Variants in MDFIC observed in about 807,000 individuals in gnomAD.
The protein encoded by MDFIC is myoD family inhibitor domain-containing protein.
A neutral mutation model predicts 23.2 loss-of-function variants in MDFIC; 17 were observed. That is an observed-to-expected ratio of 0.73 (90% CI 0.50 to 1.10). The LOEUF is 1.10. Ranked by LOEUF, MDFIC falls within the 50% of genes least tolerant of loss-of-function variation. MDFIC has a pLI of 0.00. For missense variants in MDFIC, 356 were observed against 316.6 expected (o/e 1.12, Z -0.95); for synonymous variants, 120 against 115.2 (o/e 1.04, Z -0.27).
chr7:114,970,503 T>G (rs1793184946), intron 3 of MDFIC, among the ~76,000 whole-genome samples: 1 of 152,176 alleles, frequency 6.6e-6, no homozygotes, highest in African/African-American at 2.4e-5. Flanking sequence ...ACTTTCGTTT[T>G]TGGGCTCTGG....
rs61549771 is a variant in MDFIC, at chr7:114,973,101, G to GTATATATATA, written c.218-6393_218-6384dup. 1.5e-3 allele frequency among the ~76,000 whole-genome samples: 216 copies of GTATATATATA among 147,748 alleles called. 1 individual carries two copies. Among genetic ancestry groups the GTATATATATA allele is most frequent in the African/African-American group, 5.0e-3 (203 of 40,250 alleles). ...GGCAGTTTATGTATCGTGTGTGTGT[G>GTATATATATA]TATATATATATATATATATATGAAT... On this transcript the variant is annotated intron_variant, in intron 3 of 4. Transcript: ENST00000393486.
At position 114,999,335 on chromosome 7, in the gene MDFIC, A is replaced by AT. The variant is rs1006059928; in HGVS notation, c.494-16351dup. Among the ~76,000 whole-genome samples, 739 of 150,738 alleles carry AT rather than the reference A, an allele frequency of 4.9e-3. 4 individuals carry two copies. Among genetic ancestry groups the AT allele is most frequent in the African/African-American group, 0.015 (636 of 41,122 alleles). On this transcript the variant is annotated intron_variant, in intron 4 of 4. Transcript: ENST00000393486. Reference sequence around the variant, plus strand: ...AAACACCCGGAACTTTTCAACAATGATTCTTTTTTTCTAGATTGAATTAGA... The same window carrying AT: ...AAACACCCGGAACTTTTCAACAATGATTTCTTTTTTTCTAGATTGAATTAGA...
At chr7:114,941,925 T>C (rs1792548565) in intron 2 of MDFIC, among the ~76,000 whole-genome samples, 1 of 152,238 alleles carries the variant, frequency 6.6e-6, no homozygotes, top group African/African-American at 2.4e-5. Flanking sequence ...CTTTCCCTGC[T>C]GCTCAACCCC....
In MDFIC at chr7:114,979,603, T is replaced by C; in HGVS notation, c.315T>C (p.Asn105=). 1 of 1,614,048 alleles carries C rather than the reference T, an allele frequency of 6.2e-7. No individual in the cohort carries two copies. The highest frequency in any genetic ancestry group is 8.5e-7 in the Non-Finnish European group (1 of 1,179,994). ...AGAACGGCCACACAGGTCTGAGCAA[T>C]GGAAATGGAATTCACCACGGGGCCA... ...KIKNGHTGLS[N]GNGIHHGAKH... is the part of the protein sequence containing the mutation. Residue 105 remains asparagine, a synonymous_variant, in exon 4 of 5, where the codon AAT becomes AAC. Coordinates refer to ENST00000393486, the MANE Select transcript of MDFIC (RefSeq NM_001166345.3).
At chr7:114,937,916 T>C (rs536570807) in intron 2 of MDFIC, among the ~76,000 whole-genome samples, 1 of 152,176 alleles carries the variant, frequency 6.6e-6, no homozygotes, top group Admixed American at 6.5e-5. Context: ...TTTTATCCCA[T>C]TATTAGTAGA....
intron 3 of MDFIC, among the ~76,000 whole-genome samples, chr7:114,976,858 T>C (rs2115945265): frequency 6.9e-6 from 1 of 144,102 alleles, no homozygotes; most frequent in East Asian, 2.2e-4. Flanking sequence ...CAAACTGTCT[T>C]TTTTTTTTCT....
chr7:115,014,190 G>T (rs1434240999), intron 4 of MDFIC: 1 of 985,182 alleles, frequency 1.0e-6, no homozygotes, highest in African/African-American at 1.7e-5. Flanking sequence ...GTTAGAGACT[G>T]CAGAGAAACA....
chr7:114,964,487 TC>T (rs1324209470), intron 3 of MDFIC, among the ~76,000 whole-genome samples: 2 of 106,770 alleles, frequency 1.9e-5, no homozygotes, highest in South Asian at 4.1e-4. Flanking sequence ...TGCCCTCCCC[TC>T]CCCTCCCCTT....
intron 2 of MDFIC, among the ~76,000 whole-genome samples, chr7:114,924,418 A>G (rs1481166156): frequency 6.6e-6 from 1 of 152,226 alleles, no homozygotes; most frequent in Non-Finnish European, 1.5e-5. Flanking sequence ...CAAGGAAAAT[A>G]ATTTGACCTG....
intron 3 of MDFIC, among the ~76,000 whole-genome samples, chr7:114,952,077 G>A (rs1159771675): frequency 6.6e-6 from 1 of 152,124 alleles, no homozygotes; most frequent in African/African-American, 2.4e-5. Flanking sequence ...CTCCATTTCT[G>A]GTAAACATAA....
chr7:114,998,923 T>C (rs6957727), intron 4 of MDFIC, among the ~76,000 whole-genome samples: 27,786 of 152,150 alleles, frequency 0.18, 3,136 homozygotes, highest in Non-Finnish European at 0.25. Context: ...TATGCTCTAG[T>C]AGGAGGAGCA....
At chr7:114,967,897 C>T (rs959895654) in intron 3 of MDFIC, among the ~76,000 whole-genome samples, 24 of 145,410 alleles carry the variant, frequency 1.7e-4, no homozygotes, top group African/African-American at 5.9e-4. Flanking sequence ...GGTATAATCT[C>T]AGCTTACTGT....
intron 2 of MDFIC, among the ~76,000 whole-genome samples, chr7:114,937,486 C>A (rs1363122800): frequency 6.6e-6 from 1 of 152,192 alleles, no homozygotes; most frequent in Non-Finnish European, 1.5e-5. Context: ...TTGTTTAGCT[C>A]TTGTGAAGAA....
chr7:114,931,896 G>A (rs140692309), intron 2 of MDFIC, among the ~76,000 whole-genome samples: 1 of 152,232 alleles, frequency 6.6e-6, no homozygotes, highest in Non-Finnish European at 1.5e-5. Flanking sequence ...AGGTGGCAGA[G>A]TATGAAGGAA....
chr7:114,963,767 A>G (rs1793039284), intron 3 of MDFIC, among the ~76,000 whole-genome samples: 1 of 152,070 alleles, frequency 6.6e-6, no homozygotes. Context: ...TTTTGTAGAG[A>G]TGGGATCTTG....
chr7:114,970,913 C>T (rs1052913904), intron 3 of MDFIC, among the ~76,000 whole-genome samples: 4 of 152,182 alleles, frequency 2.6e-5, no homozygotes, highest in Non-Finnish European at 5.9e-5. Context: ...TTCCTCTACT[C>T]ACCAGCGCTT....
intron 3 of MDFIC, among the ~76,000 whole-genome samples, chr7:114,949,381 C>A (rs776703814): frequency 6.6e-6 from 1 of 152,018 alleles, no homozygotes; most frequent in Non-Finnish European, 1.5e-5. Flanking sequence ...AGAGATCATC[C>A]CAAAAATGCT....
rs549259940 is a variant in MDFIC, at chr7:114,933,932, T to A, written c.95-8343T>A. 33 of 152,320 alleles carry A rather than the reference T, an allele frequency of 2.2e-4. No individual in the cohort carries two copies. In the East Asian group the frequency reaches 5.8e-3, roughly 27 times the overall value. The allele number at this position is 152,320 out of a possible 1,614,324, so 9.4% of individuals were successfully genotyped here. On this transcript the variant is annotated intron_variant, in intron 2 of 4. Coordinates refer to ENST00000393486, the MANE Select transcript of MDFIC (RefSeq NM_001166345.3). ...AGGATGGTCCGAATAATTAAAACTC[T>A]GAAAGTGGAATAAGCTATTTTCTGA...
intron 2 of MDFIC, among the ~76,000 whole-genome samples, chr7:114,926,612 G>A (rs1007445004): frequency 1.3e-5 from 2 of 152,090 alleles, no homozygotes; most frequent in Non-Finnish European, 2.9e-5. Context: ...CTTCTCTCTT[G>A]GGAGAGTCCT....
Sources: gnomAD v4.1 joint callset for allele counts (sites outside exome capture counted in the v4.1 genomes callset) on GRCh38, gnomAD v4.1.1 for gene constraint, MANE v1.5 for transcripts, NCBI Gene and HGNC (gene_info 2026-07-23, HGNC 2026-07-21) for gene names.